The following IMMP1L variants were observed in gnomAD, a reference collection of about 807,000 sequenced individuals.
IMMP1L encodes mitochondrial inner membrane protease subunit 1.
In IMMP1L, 24 loss-of-function variants were observed where a neutral mutation model predicts 21.8. That is an observed-to-expected ratio of 1.10 (90% CI 0.80 to 1.55). The LOEUF (loss-of-function observed/expected upper bound fraction) is 1.55, where lower values mean the gene tolerates loss of function less well. Among genes scored for constraint, IMMP1L ranks in the 40% most tolerant of loss-of-function variants. IMMP1L has a pLI of 0.00. For synonymous variants in IMMP1L, 46 were observed against 62.8 expected, an observed-to-expected ratio of 0.73 and a Z score of 1.26; for missense variants, 195 against 200.7, an observed-to-expected ratio of 0.97 and a Z score of 0.17.
chr11:31,490,921 G>A (rs1223101), intron 1 of IMMP1L, among the ~76,000 whole-genome samples: 82 of 152,324 alleles, frequency 5.4e-4, no homozygotes, highest in African/African-American at 2.0e-3. Flanking sequence ...AAAGAACAAT[G>A]TGAAAATGAA....
chr11:31,470,981 A>G (rs558364890), intron 1 of IMMP1L, among the ~76,000 whole-genome samples: 186 of 152,346 alleles, frequency 1.2e-3, no homozygotes, highest in African/African-American at 4.4e-3. Context: ...GTGAGGCATG[A>G]TAAGGAGGGA....
At chr11:31,452,326 A>C (rs1052555374) in intron 4 of IMMP1L, 6 of 984,698 alleles carry the variant, frequency 6.1e-6, no homozygotes, top group Non-Finnish European at 7.2e-6. Context: ...AATAAACATT[A>C]TGAGTGCTTT....
intron 1 of IMMP1L, among the ~76,000 whole-genome samples, chr11:31,476,340 T>C (rs1260324937): frequency 1.3e-5 from 2 of 151,970 alleles, no homozygotes; most frequent in Admixed American, 1.3e-4. Flanking sequence ...GAAATACAAT[T>C]TGAAATACAG....
intron 1 of IMMP1L, among the ~76,000 whole-genome samples, chr11:31,494,517 T>C (rs762622634): frequency 5.3e-5 from 8 of 152,238 alleles, no homozygotes; most frequent in Non-Finnish European, 8.8e-5. Context: ...TAGAGGCATT[T>C]TCCCCATTGT....
chr11:31,458,324 A>G (rs1214918513), intron 3 of IMMP1L, among the ~76,000 whole-genome samples: 2 of 152,108 alleles, frequency 1.3e-5, no homozygotes, highest in Non-Finnish European at 2.9e-5. Flanking sequence ...CATCCTTATT[A>G]TTCTACTACA....
intron 1 of IMMP1L, among the ~76,000 whole-genome samples, chr11:31,495,561 G>A (rs71488002): frequency 2.1e-3 from 321 of 152,248 alleles, no homozygotes; most frequent in Non-Finnish European, 3.5e-3. Context: ...CACTCATGGC[G>A]AAAGGACTTA....
At chr11:31,452,324 TTA>T in intron 4 of IMMP1L, 1 of 984,850 alleles carries the variant, frequency 1.0e-6, no homozygotes, top group Non-Finnish European at 1.2e-6. Flanking sequence ...CTAATAAACA[TTA>T]TGAGTGCTTT....
In IMMP1L at chr11:31,432,453, T is replaced by C; in HGVS notation, c.*47A>G. 1 of 1,312,992 alleles carries C rather than the reference T, an allele frequency of 7.6e-7. No individual in the cohort carries two copies. Among genetic ancestry groups the C allele is most frequent in the Non-Finnish European group, 1.1e-6 (1 of 908,060 alleles). 81.3% of individuals were successfully genotyped at this position (1,312,992 alleles called of 1,614,324 possible). ...ACACGGTTTCAACGGGAGTAATAAA[T>C]TCACATGAAAAGGAGACAATAATCA... On this transcript the variant is annotated 3_prime_UTR_variant, in exon 6 of 6. Transcript: ENST00000532287.
intron 4 of IMMP1L, among the ~76,000 whole-genome samples, chr11:31,453,505 T>G (rs561295478): frequency 6.6e-6 from 1 of 152,128 alleles, no homozygotes; most frequent in Non-Finnish European, 1.5e-5. Context: ...AAGAAACTCA[T>G]TTCGTAAAAT....
intron 1 of IMMP1L, among the ~76,000 whole-genome samples, chr11:31,498,872 C>T (rs573686225): frequency 5.3e-5 from 8 of 152,272 alleles, no homozygotes; most frequent in African/African-American, 1.9e-4. Flanking sequence ...ACAGGGACTA[C>T]AATAGGCATT....
chr11:31,478,580 C>A (rs1225953386), intron 1 of IMMP1L, among the ~76,000 whole-genome samples: 1 of 152,088 alleles, frequency 6.6e-6, no homozygotes. Flanking sequence ...GCAGGAGTCA[C>A]AGGGAGTAGT....
chr11:31,497,875 T>C (rs1439659459), intron 1 of IMMP1L, among the ~76,000 whole-genome samples: 1 of 152,226 alleles, frequency 6.6e-6, no homozygotes, highest in Non-Finnish European at 1.5e-5. Flanking sequence ...GTGAATTTTA[T>C]GTTACGTATA....
At chr11:31,450,526 G>C (rs1472877077) in intron 4 of IMMP1L, among the ~76,000 whole-genome samples, 2 of 152,152 alleles carry the variant, frequency 1.3e-5, no homozygotes, top group Non-Finnish European at 2.9e-5. Flanking sequence ...CTTAGGAAAA[G>C]AAACATTTAA....
chr11:31,449,257 G>A (rs1953656625), intron 4 of IMMP1L, among the ~76,000 whole-genome samples: 2 of 152,010 alleles, frequency 1.3e-5, no homozygotes, highest in Admixed American at 6.6e-5. Flanking sequence ...ACTTTTTTCT[G>A]TTTATAATAC....
rs181765135 is a variant in IMMP1L, at chr11:31,469,228, A to G, written c.-29-5923T>C. On this transcript the variant is annotated intron_variant, in intron 1 of 5. Coordinates refer to ENST00000532287, the MANE Select transcript of IMMP1L (RefSeq NM_001304274.2). Reference sequence around the variant, plus strand: ...CTAAATGATTGCATTCAATCAAAGCACATTATAAAATAGAATCAAATGACT... The same window carrying G: ...CTAAATGATTGCATTCAATCAAAGCGCATTATAAAATAGAATCAAATGACT... 7.9e-5 allele frequency among the ~76,000 whole-genome samples: 12 copies of G among 152,302 alleles called. No individual in the cohort carries two copies. In the East Asian group the frequency reaches 2.3e-3, roughly 29 times the overall value.
intron 4 of IMMP1L, among the ~76,000 whole-genome samples, chr11:31,451,405 C>T (rs1379705568): frequency 6.6e-6 from 1 of 152,078 alleles, no homozygotes; most frequent in Admixed American, 6.5e-5. Context: ...ATCTTGCAAA[C>T]TAATGGATGG....
chr11:31,497,620 C>G (rs1002489472), intron 1 of IMMP1L, among the ~76,000 whole-genome samples: 1 of 152,032 alleles, frequency 6.6e-6, no homozygotes, highest in Non-Finnish European at 1.5e-5. Flanking sequence ...CGCTACCACG[C>G]CCAGCTAATT....
intron 3 of IMMP1L, 144 bp from the exon 4 acceptor site, chr11:31,456,530 T>C: frequency 2.0e-6 from 1 of 504,658 alleles, no homozygotes; most frequent in Non-Finnish European, 3.4e-6. Context: ...ACACATTTAC[T>C]GGCTTTGAGA....
chr11:31,490,310 A>G (rs1955212827), intron 1 of IMMP1L, among the ~76,000 whole-genome samples: 2 of 152,106 alleles, frequency 1.3e-5, no homozygotes, highest in African/African-American at 2.4e-5. Context: ...CGCCTCTGCT[A>G]AGAATACAAA....
Sources: allele counts gnomAD v4.1 joint callset (sites outside exome capture counted in the v4.1 genomes callset), GRCh38; gene constraint gnomAD v4.1.1; transcripts MANE v1.5; gene names NCBI Gene and HGNC (gene_info 2026-07-23, HGNC 2026-07-21).